NKAIN3: variants seen among roughly 807,000 people sequenced by gnomAD.
The protein encoded by NKAIN3 is sodium/potassium transporting ATPase interacting 3.
NKAIN3 carries 25 observed loss-of-function variants against 30.2 expected under a neutral mutation model. The ratio of observed to expected loss-of-function variants is 0.83; its 90% CI spans 0.60 to 1.16. NKAIN3 has a LOEUF of 1.16. Ranked by LOEUF, NKAIN3 falls within the 50% of genes most tolerant of loss-of-function variation. The pLI is 0.00. For missense variants in NKAIN3, 225 were observed against 254.1 expected (o/e 0.89, Z 0.78); for synonymous variants, 91 against 89.6 (o/e 1.02, Z -0.09).
chr8:62,376,975 G>T (rs1375234005), intron 1 of NKAIN3, among the ~76,000 whole-genome samples: 1 of 151,926 alleles, frequency 6.6e-6, no homozygotes, highest in Non-Finnish European at 1.5e-5. Flanking sequence ...TAACCCTGTA[G>T]AAAGACCTAC....
chr8:62,643,138 A>G (rs1027992626), intron 3 of NKAIN3, among the ~76,000 whole-genome samples: 7 of 152,128 alleles, frequency 4.6e-5, no homozygotes, highest in Admixed American at 3.3e-4. Context: ...TAATGTAACC[A>G]CATTTATTCA....
intron 4 of NKAIN3, among the ~76,000 whole-genome samples, chr8:62,847,204 GTAAT>G (rs1563590905): frequency 6.6e-6 from 1 of 152,110 alleles, no homozygotes; most frequent in Non-Finnish European, 1.5e-5. Context: ...TATATATCCA[GTAAT>G]GGGATTGCTG....
At chr8:62,892,210 G>GA (rs574268377) in intron 4 of NKAIN3, among the ~76,000 whole-genome samples, 69 of 152,040 alleles carry the variant, frequency 4.5e-4, no homozygotes, top group Middle Eastern at 3.4e-3. Flanking sequence ...TTCCAAATTA[G>GA]AAAAAAATAA....
intron 3 of NKAIN3, among the ~76,000 whole-genome samples, chr8:62,646,768 A>G (rs1161854766): frequency 6.6e-6 from 1 of 152,186 alleles, no homozygotes; most frequent in East Asian, 1.9e-4. Context: ...CATGCATATA[A>G]CATGTAAAGT....
rs12543454 is a variant in NKAIN3 at position 62,967,007 on chromosome 8, A to G, written c.*1600A>G. On this transcript the variant is annotated 3_prime_UTR_variant, in exon 7 of 7. Transcript: ENST00000623646. Reference sequence around the variant, plus strand: ...ATCACAACCACAGTGAGCCATTTGGAGACCTAATTTACTCACTAGCCTCCA... The same window carrying G: ...ATCACAACCACAGTGAGCCATTTGGGGACCTAATTTACTCACTAGCCTCCA... Among the ~76,000 whole-genome samples, 33,639 of 152,142 alleles carry G rather than the reference A, an allele frequency of 0.22. 4,265 individuals carry two copies. Among genetic ancestry groups the G allele is most frequent in the East Asian group, 0.5 (2,582 of 5,164 alleles).
At chr8:62,914,775 ATC>A (rs1189645392) in intron 4 of NKAIN3, among the ~76,000 whole-genome samples, 1 of 137,554 alleles carries the variant, frequency 7.3e-6, no homozygotes, top group Non-Finnish European at 1.5e-5. Context: ...AGTTACTGTA[ATC>A]TTTTTTTTTT....
At chr8:62,666,074 C>T (rs762110986) in intron 3 of NKAIN3, among the ~76,000 whole-genome samples, 5 of 151,828 alleles carry the variant, frequency 3.3e-5, no homozygotes, top group Non-Finnish European at 7.4e-5. Flanking sequence ...AGTAGCTGGG[C>T]GTGGTGGTGG....
At position 62,974,194 on chromosome 8, in the gene NKAIN3, T is replaced by TG. The variant is rs146938290; in HGVS notation, c.*8788dup. Among the ~76,000 whole-genome samples, 17,461 of 152,220 alleles carry TG rather than the reference T, an allele frequency of 0.11. 1,148 individuals are homozygous for TG. The highest frequency in any genetic ancestry group is 0.24 in the East Asian group (1,228 of 5,172). On this transcript the variant is annotated 3_prime_UTR_variant, in exon 7 of 7. Transcript: ENST00000623646. ...AATTTAAAGTAGTTTTTTCTAATTC[T>TG]GTGAAGAAAATCAATGTTAGTTTGA...
At chr8:62,574,816 T>A (rs1182358021) in intron 1 of NKAIN3, among the ~76,000 whole-genome samples, 1 of 152,080 alleles carries the variant, frequency 6.6e-6, no homozygotes, top group Non-Finnish European at 1.5e-5. Context: ...ACCACCTTTT[T>A]ATATACCCGT....
At chr8:62,835,395 C>T (rs62509406) in intron 4 of NKAIN3, among the ~76,000 whole-genome samples, 16,944 of 151,814 alleles carry the variant, frequency 0.11, 1,000 homozygotes, top group Middle Eastern at 0.15. Context: ...ACCTACAGAG[C>T]GGGAGAAAAT....
At chr8:62,505,217 T>A (rs1807593123) in intron 1 of NKAIN3, among the ~76,000 whole-genome samples, 1 of 152,198 alleles carries the variant, frequency 6.6e-6, no homozygotes, top group Non-Finnish European at 1.5e-5. Flanking sequence ...CAGTTAAGAT[T>A]TGGTTATTAA....
intron 4 of NKAIN3, among the ~76,000 whole-genome samples, chr8:62,853,403 T>C (rs1819969829): frequency 6.6e-6 from 1 of 152,206 alleles, no homozygotes; most frequent in Non-Finnish European, 1.5e-5. Context: ...CTTGACTCTT[T>C]ATCCAATTTG....
chr8:62,870,399 T>TTGTACATATATACAATATA (rs1203033015), intron 4 of NKAIN3, among the ~76,000 whole-genome samples: 5 of 137,060 alleles, frequency 3.6e-5, no homozygotes, highest in South Asian at 4.4e-4. Flanking sequence ...ACAATATACA[T>TTGTACATATATACAATATA]TGTACATATA....
intron 3 of NKAIN3, among the ~76,000 whole-genome samples, chr8:62,708,893 C>T (rs182008572): frequency 7.9e-4 from 120 of 152,098 alleles, no homozygotes; most frequent in Non-Finnish European, 1.4e-3. Context: ...TAAGGTATGT[C>T]CCTTGTATGC....
intron 1 of NKAIN3, among the ~76,000 whole-genome samples, chr8:62,467,332 T>G (rs1337780146): frequency 6.6e-6 from 1 of 152,206 alleles, no homozygotes; most frequent in Non-Finnish European, 1.5e-5. Context: ...GGAGAAATCC[T>G]AAGAATTTTG....
rs1811986825 is a variant in NKAIN3 at position 62,248,985 on chromosome 8, C to G, written c.-89C>G. 8.0e-7 allele frequency: 1 copy of G among 1,251,904 alleles called. No homozygotes were observed. Among genetic ancestry groups the G allele is most frequent in the Non-Finnish European group, 1.1e-6 (1 of 904,038 alleles). 77.5% of individuals were successfully genotyped at this position (1,251,904 alleles called of 1,614,324 possible). A position where few individuals can be genotyped will look rare whatever the true frequency, so the allele number is the denominator to read the frequency against. On this transcript the variant is annotated 5_prime_UTR_variant, in exon 1 of 7. Transcript: ENST00000623646. ...CGGGGCCGAGGAGCCTGGGCCGGGC[C>G]GGGCGGGGACTACTCCGGAGTCAGG...
chr8:62,946,105 T>C (rs887520988), intron 5 of NKAIN3, among the ~76,000 whole-genome samples: 1 of 152,152 alleles, frequency 6.6e-6, no homozygotes, highest in African/African-American at 2.4e-5. Context: ...TTCTGAAAGG[T>C]GGAGGAGATT....
chr8:62,251,889 A>C (rs1433187415), intron 1 of NKAIN3, among the ~76,000 whole-genome samples: 1 of 152,248 alleles, frequency 6.6e-6, no homozygotes, highest in Non-Finnish European at 1.5e-5. Context: ...AAAGTAAAAC[A>C]CAGCAAAATA....
chr8:62,634,606 A>C (rs1465499174), intron 3 of NKAIN3, among the ~76,000 whole-genome samples: 2 of 152,220 alleles, frequency 1.3e-5, no homozygotes, highest in Admixed American at 1.3e-4. Context: ...GTCCACAAAG[A>C]GTAGTAGCTG....
Sources: gnomAD v4.1 joint callset for allele counts (sites outside exome capture counted in the v4.1 genomes callset) on GRCh38, gnomAD v4.1.1 for gene constraint, MANE v1.5 for transcripts, NCBI Gene and HGNC (gene_info 2026-07-23, HGNC 2026-07-21) for gene names.